Variants in TOP6BL observed in about 807,000 individuals in gnomAD.
The protein encoded by TOP6BL is TOP6B like initiator of meiotic double strand breaks.
At chr11:66,800,557 T>A in the TOP6BL span, 18 of 1,082,190 alleles carry the variant, frequency 1.7e-5, no homozygotes, top group Middle Eastern at 2.7e-4. Flanking sequence ...AAGCTTATTC[T>A]TTTCCTTTAG....
chr11:66,805,944 CT>C, the TOP6BL span, among the ~76,000 whole-genome samples: 1 of 152,050 alleles, frequency 6.6e-6, no homozygotes, highest in African/African-American at 2.4e-5. Flanking sequence ...AATAATGATA[CT>C]TTCAGCAAGA....
At chr11:66,787,756 C>G in the TOP6BL span, among the ~76,000 whole-genome samples, 2 of 150,124 alleles carry the variant, frequency 1.3e-5, no homozygotes, top group Admixed American at 6.7e-5. Flanking sequence ...GAGAGTCATT[C>G]TTGAATTTTT....
the TOP6BL span, among the ~76,000 whole-genome samples, chr11:66,752,127 T>A: frequency 6.6e-6 from 1 of 151,720 alleles, no homozygotes; most frequent in Admixed American, 6.6e-5. Flanking sequence ...TTGTGCTTCC[T>A]GAATCCCTCT....
the TOP6BL span, chr11:66,843,494 G>T: frequency 6.0e-5 from 89 of 1,482,126 alleles, no homozygotes; most frequent in East Asian, 2.3e-3. Context: ...GACTGCTGTC[G>T]GTGTCGCGGC....
the TOP6BL span, among the ~76,000 whole-genome samples, chr11:66,796,979 C>T: frequency 6.6e-6 from 1 of 151,184 alleles, no homozygotes; most frequent in African/African-American, 2.4e-5. Context: ...AGGTGTGAGG[C>T]ACTGCACCTG....
the TOP6BL span, among the ~76,000 whole-genome samples, chr11:66,840,562 C>T: frequency 6.6e-6 from 1 of 152,152 alleles, no homozygotes; most frequent in South Asian, 2.1e-4. Flanking sequence ...TTATCCTCAA[C>T]CTCTCTCCCT....
At chr11:66,792,165 A>G in the TOP6BL span, among the ~76,000 whole-genome samples, 1 of 152,122 alleles carries the variant, frequency 6.6e-6, no homozygotes, top group Non-Finnish European at 1.5e-5. Context: ...AACCCCTTTT[A>G]AGGGGTTAGT....
the TOP6BL span, chr11:66,759,143 T>A: frequency 1.6e-6 from 2 of 1,257,550 alleles, no homozygotes; most frequent in Non-Finnish European, 2.2e-6. Context: ...TTCCCGACAA[T>A]TAATTTGATA....
chr11:66,809,536 G>A, the TOP6BL span, among the ~76,000 whole-genome samples: 1 of 152,146 alleles, frequency 6.6e-6, no homozygotes, highest in African/African-American at 2.4e-5. Context: ...AGGATGAAAT[G>A]GAAGTCCAAA....
At chr11:66,799,327 G>A in the TOP6BL span, among the ~76,000 whole-genome samples, 58 of 145,462 alleles carry the variant, frequency 4.0e-4, no homozygotes, top group African/African-American at 1.2e-3. Context: ...TGGAGGTTGC[G>A]GTGAGCTGAG....
At chr11:66,752,268 C>T in the TOP6BL span, among the ~76,000 whole-genome samples, 1 of 151,818 alleles carries the variant, frequency 6.6e-6, no homozygotes, top group South Asian at 2.1e-4. Flanking sequence ...AACATCTCCA[C>T]GTATACCTAA....
chr11:66,782,803 A>G, the TOP6BL span, among the ~76,000 whole-genome samples: 1 of 152,082 alleles, frequency 6.6e-6, no homozygotes. Context: ...TAGTTTTGCT[A>G]TGTGTTCGTA....
the TOP6BL span, among the ~76,000 whole-genome samples, chr11:66,768,811 C>G: frequency 6.6e-6 from 1 of 152,052 alleles, no homozygotes. Flanking sequence ...TTTACCAACC[C>G]TGACATATTC....
At chr11:66,823,407 A>G in the TOP6BL span, among the ~76,000 whole-genome samples, 1 of 152,152 alleles carries the variant, frequency 6.6e-6, no homozygotes, top group Non-Finnish European at 1.5e-5. Flanking sequence ...GTGATGCTAC[A>G]TAGTACCAGG....
the TOP6BL span, among the ~76,000 whole-genome samples, chr11:66,812,839 T>C: frequency 1.3e-5 from 2 of 152,166 alleles, no homozygotes; most frequent in African/African-American, 4.8e-5. Context: ...AGAAGGGTGC[T>C]ACTGGCATTT....
chr11:66,840,865 C>T, the TOP6BL span, among the ~76,000 whole-genome samples: 2 of 152,148 alleles, frequency 1.3e-5, no homozygotes, highest in East Asian at 3.9e-4. Context: ...TGCTCTCCCA[C>T]CCAGCTATCT....
At chr11:66,747,114 T>G in the TOP6BL span, among the ~76,000 whole-genome samples, 2 of 151,898 alleles carry the variant, frequency 1.3e-5, no homozygotes, top group African/African-American at 4.8e-5. Context: ...TTTTTGTATT[T>G]TTAGTAGAGA....
chr11:66,759,518 T>C, the TOP6BL span, among the ~76,000 whole-genome samples: 1 of 152,230 alleles, frequency 6.6e-6, no homozygotes, highest in Non-Finnish European at 1.5e-5. Context: ...GCAGTAATAA[T>C]GTTTTCCACA....
the TOP6BL span, among the ~76,000 whole-genome samples, chr11:66,803,047 T>G: frequency 6.6e-6 from 1 of 152,248 alleles, no homozygotes; most frequent in Admixed American, 6.5e-5. Context: ...AACAAAATTT[T>G]ACTAGATTCT....
Sources: allele counts gnomAD v4.1 joint callset (sites outside exome capture counted in the v4.1 genomes callset), GRCh38; gene constraint gnomAD v4.1.1; transcripts MANE v1.5; gene names NCBI Gene and HGNC (gene_info 2026-07-23, HGNC 2026-07-21).